CTNND1: variants seen among roughly 807,000 people sequenced by gnomAD.
CTNND1 encodes the protein catenin delta-1.
CTNND1 carries 16 observed loss-of-function variants against 112.1 expected under a neutral mutation model. The ratio of observed to expected loss-of-function variants is 0.14; its 90% confidence interval spans 0.10 to 0.22. The LOEUF (loss-of-function observed/expected upper bound fraction) is 0.22, where lower values mean the gene tolerates loss of function less well. Among genes scored for constraint, CTNND1 ranks in the 10% least tolerant of loss-of-function variants. The probability of loss-of-function intolerance (pLI) is 1.00; values close to 1 mark genes in which losing one functional copy is unlikely to be tolerated. For missense variants in CTNND1, 1,008 were observed against 1,257.0 expected, an observed-to-expected ratio of 0.80 and a Z score of 3.00; for synonymous variants, 420 against 446.5, an observed-to-expected ratio of 0.94 and a Z score of 0.75.
chr11:57,783,301 A>C (rs899178537), intron 1 of CTNND1, among the ~76,000 whole-genome samples: 6 of 151,706 alleles, frequency 4.0e-5, no homozygotes, highest in Non-Finnish European at 7.4e-5. Flanking sequence ...AACAAACAAA[A>C]AAAAACGTGG....
chr11:57,797,945 C>T (rs934568702), intron 6 of CTNND1, among the ~76,000 whole-genome samples: 1 of 150,856 alleles, frequency 6.6e-6, no homozygotes, highest in Non-Finnish European at 1.5e-5. Context: ...CTGTTTCTGG[C>T]TAAGATGTGA....
At chr11:57,767,718 T>A (rs1272921122) in intron 1 of CTNND1, among the ~76,000 whole-genome samples, 1 of 152,200 alleles carries the variant, frequency 6.6e-6, no homozygotes, top group East Asian at 1.9e-4. Flanking sequence ...TTAAGTTATT[T>A]AATGTATGTG....
rs11570188 is a variant in CTNND1 at position 57,792,044 on chromosome 11, G to T, written c.195+371G>T. Among the ~76,000 whole-genome samples the T allele has an allele frequency of 9.1e-3, 1,391 of 152,170 alleles. 62 individuals carry two copies. Among genetic ancestry groups the T allele is most frequent in the Admixed American group, 0.077 (1,178 of 15,286 alleles). ...TCAGGAAAGTAAATGCCCACTTAAT[G>T]GTTGGGCATCTTGTGCTCTCAGCCC... On this transcript the variant is annotated intron_variant, in intron 3 of 20. Coordinates refer to ENST00000399050, the MANE Select transcript of CTNND1 (RefSeq NM_001085458.2).
At chr11:57,772,020 C>G (rs534048128) in intron 1 of CTNND1, among the ~76,000 whole-genome samples, 141 of 151,718 alleles carry the variant, frequency 9.3e-4, no homozygotes, top group Non-Finnish European at 1.6e-3. Flanking sequence ...CTCCCACGCT[C>G]AAGCCATCCT....
At chr11:57,772,895 T>C (rs1009826716) in intron 1 of CTNND1, among the ~76,000 whole-genome samples, 2 of 152,064 alleles carry the variant, frequency 1.3e-5, no homozygotes, top group African/African-American at 4.8e-5. Flanking sequence ...TCTTTGGAGT[T>C]TTTAGCCCTG....
In CTNND1 at chr11:57,761,895, G is replaced by A. The variant is rs928083083; in HGVS notation, c.-438G>A. ...TCTGAGGGGGAAAAAAAAGAGAGAG[G>A]GAGAGAGAGAGAAAGAAGAGCAGGA... On this transcript the variant is annotated 5_prime_UTR_variant, in exon 1 of 21. Coordinates refer to ENST00000399050, the MANE Select transcript of CTNND1 (RefSeq NM_001085458.2). 1.0e-6 allele frequency: 1 copy of A among 985,216 alleles called. No individual in the cohort carries two copies. The highest frequency in any genetic ancestry group is 1.2e-6 in the Non-Finnish European group (1 of 829,886). 61.0% of individuals were successfully genotyped at this position (985,216 alleles called of 1,614,324 possible). A position where few individuals can be genotyped will look rare whatever the true frequency, so the allele number is the denominator to read the frequency against.
intron 3 of CTNND1, 79 bp downstream of exon 3, chr11:57,791,752 A>C: frequency 2.1e-6 from 3 of 1,416,822 alleles, no homozygotes; most frequent in Non-Finnish European, 9.3e-7. Context: ...TTGGGAAGCT[A>C]CTCTCCTTTT....
chr11:57,791,778 A>G (rs896930625), intron 3 of CTNND1, 105 bp downstream of exon 3: 2 of 1,244,036 alleles, frequency 1.6e-6, no homozygotes, highest in Non-Finnish European at 2.1e-6. Flanking sequence ...TGGGCTGTCC[A>G]GTGCCCGTTC....
Position 57,789,155 on chromosome 11 carries a change from G to C in CTNND1, c.-95G>C. On this transcript the variant is annotated splice_region_variant and 5_prime_UTR_variant, in exon 2 of 21. Transcript: ENST00000399050. ...AATCAGTTGCGACCTTCTCTTAACA[G>C]GTGTGTATGGAAATATGTTTATTAA... 1.3e-6 allele frequency: 2 copies of C among 1,489,636 alleles called. No homozygotes were observed. The highest frequency in any genetic ancestry group is 1.8e-6 in the Non-Finnish European group (2 of 1,116,782). 92.3% of individuals were successfully genotyped at this position (1,489,636 alleles called of 1,614,324 possible).
At chr11:57,789,635 C>A (rs2060479812) in intron 2 of CTNND1, among the ~76,000 whole-genome samples, 1 of 151,924 alleles carries the variant, frequency 6.6e-6, no homozygotes, top group African/African-American at 2.4e-5. Flanking sequence ...TTGGGCCATA[C>A]ATAATGTACG....
intron 1 of CTNND1, chr11:57,764,233 CG>C (rs1950537374): frequency 6.6e-6 from 1 of 151,416 alleles, no homozygotes; most frequent in African/African-American, 2.4e-5. Flanking sequence ...TTCCAGATTG[CG>C]GGGCGGGGGG....
intron 18 of CTNND1, among the ~76,000 whole-genome samples, chr11:57,814,637 A>G (rs1254289831): frequency 6.6e-6 from 1 of 152,100 alleles, no homozygotes; most frequent in Non-Finnish European, 1.5e-5. Context: ...GTAGCCCATT[A>G]TATTCCTACC....
At chr11:57,774,218 A>G (rs1401556486) in intron 1 of CTNND1, among the ~76,000 whole-genome samples, 1 of 152,224 alleles carries the variant, frequency 6.6e-6, no homozygotes, top group Non-Finnish European at 1.5e-5. Flanking sequence ...CAAGTGGTTT[A>G]GAATTATCTA....
At chr11:57,777,697 A>G (rs10896641) in intron 1 of CTNND1, among the ~76,000 whole-genome samples, 7,669 of 152,312 alleles carry the variant, frequency 0.05, 672 homozygotes, top group African/African-American at 0.18. Context: ...TAGGAAAAAT[A>G]AAGGGAGAAG....
At chr11:57,806,780 C>T (rs2062722940) in intron 11 of CTNND1, 135 bp from the exon 12 acceptor site, 2 of 745,844 alleles carry the variant, frequency 2.7e-6, no homozygotes, top group African/African-American at 1.8e-5. Flanking sequence ...ACAAGTTGCC[C>T]TCACCTGCCC....
Position 57,818,182 on chromosome 11 carries a change from C to T in CTNND1, c.*1874C>T, listed in dbSNP as rs560570115. ...TCTTGATCTCTCTTGTCCTCTTCTG[C>T]TCTTTTCCTGGTGCTCTTTTTTCTC... On this transcript the variant is annotated 3_prime_UTR_variant, in exon 21 of 21. Coordinates refer to ENST00000399050, the MANE Select transcript of CTNND1 (RefSeq NM_001085458.2). The T allele has an allele frequency of 6.6e-6, 1 of 152,360 alleles. No homozygotes were observed. Among genetic ancestry groups the T allele is most frequent in the East Asian group, 1.9e-4 (1 of 5,154 alleles). 9.4% of individuals were successfully genotyped at this position (152,360 alleles called of 1,614,324 possible).
intron 8 of CTNND1, chr11:57,804,060 T>G (rs1280755100): frequency 3.2e-6 from 1 of 315,404 alleles, no homozygotes; most frequent in Non-Finnish European, 5.8e-6. Context: ...TCATCTACTT[T>G]GGTAAGCTTT....
At chr11:57,804,636 A>G in intron 8 of CTNND1, 27 bp from the exon 9 acceptor site, 2 of 1,572,836 alleles carry the variant, frequency 1.3e-6, no homozygotes, top group Non-Finnish European at 1.7e-6. Flanking sequence ...GATTTGAGTC[A>G]TCTTGAAGCT....
chr11:57,779,455 G>A (rs2136262430), intron 1 of CTNND1, among the ~76,000 whole-genome samples: 1 of 152,240 alleles, frequency 6.6e-6, no homozygotes, highest in Admixed American at 6.5e-5. Context: ...TCACTTTGTG[G>A]ATTGGATGGC....
Sources: allele counts gnomAD v4.1 joint callset (sites outside exome capture counted in the v4.1 genomes callset), GRCh38; gene constraint gnomAD v4.1.1; transcripts MANE v1.5; gene names NCBI Gene and HGNC (gene_info 2026-07-23, HGNC 2026-07-21).